MLPH: variants seen among roughly 807,000 people sequenced by gnomAD.
MLPH encodes exophilin-3.
In MLPH, 51 loss-of-function variants were observed where a neutral mutation model predicts 72.1. The observed-to-expected ratio is 0.71, with a 90% CI of 0.56 to 0.89. The LOEUF (loss-of-function observed/expected upper bound fraction) is 0.89, where lower values mean the gene tolerates loss of function less well. Ranked by LOEUF, MLPH falls within the 40% of genes least tolerant of loss-of-function variation. The pLI is 0.00. For missense variants in MLPH, 743 were observed against 759.9 expected, an observed-to-expected ratio of 0.98 and a Z score of 0.26; for synonymous variants, 301 against 310.1, an observed-to-expected ratio of 0.97 and a Z score of 0.31.
At position 237,510,923 on chromosome 2, in the gene MLPH, G is replaced by A; in HGVS notation, c.333-66G>A. 2 of 1,522,428 alleles carry A rather than the reference G, an allele frequency of 1.3e-6. No homozygotes were observed. Among genetic ancestry groups the A allele is most frequent in the Non-Finnish European group, 1.8e-6 (2 of 1,097,722 alleles). 94.3% of individuals were successfully genotyped at this position (1,522,428 alleles called of 1,614,324 possible). On this transcript the variant is annotated intron_variant, in intron 3 of 15. Transcript: ENST00000264605. The surrounding 1 kb of genome is among the most constrained non-coding windows in gnomAD (Gnocchi z 4.4). ...CTCGTGTGTGTGTGTGTGTGTGTGT[G>A]TGAGATTTATGCAGGCCTGTGTACA...
intron 2 of MLPH, among the ~76,000 whole-genome samples, chr2:237,506,128 A>T (rs1204560469): frequency 1.3e-5 from 2 of 152,244 alleles, no homozygotes; most frequent in Non-Finnish European, 2.9e-5. Flanking sequence ...TTCCTAAATT[A>T]CTGAGAACCC....
rs568674271 is a variant in MLPH at position 237,537,216 on chromosome 2, G to A, written c.1104+2569G>A. Among the ~76,000 whole-genome samples the A allele has an allele frequency of 4.7e-5, 7 of 149,272 alleles. No individual in the cohort carries two copies. The South Asian group carries it at 1.1e-3, about 22-fold the overall frequency. ...GCTGGTTCAGGTCCCTGTCACACACGTATGTTGTCATGTGTTTTCCACACA... is the reference window on the plus strand; with the variant it reads ...GCTGGTTCAGGTCCCTGTCACACACATATGTTGTCATGTGTTTTCCACACA... On this transcript the variant is annotated intron_variant, in intron 9 of 15. Transcript: ENST00000264605.
rs563718242 is a variant in MLPH, at chr2:237,523,660, G to A, written c.676-1941G>A. On this transcript the variant is annotated intron_variant, in intron 6 of 15. Transcript: ENST00000264605. ...TATAAGTATTAACGTATTTTCTCGTGTAAAGAAGGTTTAATACTGTTAATA... is the reference window on the plus strand; with the variant it reads ...TATAAGTATTAACGTATTTTCTCGTATAAAGAAGGTTTAATACTGTTAATA... Among the ~76,000 whole-genome samples, 6 of 152,104 alleles carry A rather than the reference G, an allele frequency of 3.9e-5. No homozygotes were observed. In the East Asian group the frequency reaches 1.2e-3, roughly 29 times the overall value.
intron 8 of MLPH, among the ~76,000 whole-genome samples, chr2:237,529,817 C>T (rs1231700463): frequency 2.0e-5 from 3 of 152,200 alleles, no homozygotes; most frequent in Non-Finnish European, 4.4e-5. Flanking sequence ...GGGCCAGCTC[C>T]TTGGGCATGG....
intron 4 of MLPH, among the ~76,000 whole-genome samples, chr2:237,517,377 G>A (rs1679635240): frequency 6.6e-6 from 1 of 151,884 alleles, no homozygotes; most frequent in South Asian, 2.1e-4. Flanking sequence ...ATAGGTGGAT[G>A]GATGGGCAGA....
chr2:237,498,916 C>T (rs1242971847), intron 2 of MLPH, among the ~76,000 whole-genome samples: 1 of 152,172 alleles, frequency 6.6e-6, no homozygotes, highest in Non-Finnish European at 1.5e-5. Context: ...CCAGGAGCTG[C>T]CCGATCAGCA....
intron 1 of MLPH, among the ~76,000 whole-genome samples, chr2:237,488,176 T>A (rs1045479071): frequency 6.6e-6 from 1 of 152,178 alleles, no homozygotes; most frequent in Non-Finnish European, 1.5e-5. Flanking sequence ...TTTTAGATGG[T>A]GTGACTGGTA....
rs568894897 is a variant in MLPH at position 237,530,819 on chromosome 2, C to G, written c.1020+3303C>G. Among the ~76,000 whole-genome samples the G allele has an allele frequency of 1.6e-4, 25 of 152,318 alleles. No individual in the cohort carries two copies. In the South Asian group the frequency reaches 5.0e-3, roughly 30 times the overall value. ...GATCAGGGAGTGACTGGCTTGGCCC[C>G]TGCAGTTTCTGTGTCCCGAGAGGAC... is the stretch of plus-strand genomic sequence containing the variant. On this transcript the variant is annotated intron_variant, in intron 8 of 15. Transcript: ENST00000264605.
At position 237,525,799 on chromosome 2, in the gene MLPH, G is replaced by A. The variant is rs1027953124; in HGVS notation, c.874G>A (p.Ala292Thr). The change falls in exon 7 of 16, where the codon GCA becomes ACA. Residue 292 changes from alanine to threonine, a missense_variant. Ala to Thr is a moderately conservative substitution (Grantham distance 58, BLOSUM62 0). Transcript: ENST00000264605. ...CAGGATGGCCCTGGGGACTGCTGCT[G>A]CACTCGGTAGGTGCCCTTGGCCAGG... Reference protein sequence around the residue: ...SHRMALGTAAALGSNVIRNEQ... With the variant: ...SHRMALGTAATLGSNVIRNEQ... 10 of 1,611,756 alleles carry A rather than the reference G, an allele frequency of 6.2e-6. No individual in the cohort carries two copies. Among genetic ancestry groups the A allele is most frequent in the Non-Finnish European group, 8.5e-6 (10 of 1,179,980 alleles).
intron 1 of MLPH, among the ~76,000 whole-genome samples, chr2:237,492,157 A>T (rs1479000399): frequency 2.0e-5 from 3 of 152,092 alleles, no homozygotes. Context: ...CTAAGGTTCC[A>T]CCTATCTTGG....
chr2:237,527,707 C>A, intron 8 of MLPH, 191 bp downstream of exon 8: 1 of 744,894 alleles, frequency 1.3e-6, no homozygotes, highest in Non-Finnish European at 2.2e-6. Context: ...AGAAAATTAA[C>A]CATCTTAGTA....
chr2:237,528,185 C>T (rs2080344349), intron 8 of MLPH, among the ~76,000 whole-genome samples: 2 of 151,894 alleles, frequency 1.3e-5, no homozygotes, highest in African/African-American at 4.8e-5. Flanking sequence ...TGAAAGGAGC[C>T]CTGGAGATGG....
chr2:237,518,891 A>T (rs2080111835), intron 5 of MLPH, among the ~76,000 whole-genome samples: 1 of 152,180 alleles, frequency 6.6e-6, no homozygotes, highest in Non-Finnish European at 1.5e-5. Context: ...TGATGGGCAA[A>T]GCCTACTGAG....
intron 10 of MLPH, 89 bp from the exon 11 acceptor site, chr2:237,540,713 A>C: frequency 6.4e-7 from 1 of 1,556,014 alleles, no homozygotes; most frequent in African/African-American, 1.4e-5. Flanking sequence ...GGGTTCAGAG[A>C]GGAGAGCAAT....
At position 237,554,900 on chromosome 2, in the gene MLPH, C is replaced by A. The variant is rs2081099259; in HGVS notation, c.*1308C>A. 2.6e-5 allele frequency: 4 copies of A among 152,204 alleles called. No individual in the cohort carries two copies. The South Asian group carries it at 8.3e-4, about 31-fold the overall frequency. The allele number at this position is 152,204 out of a possible 1,614,324, so 9.4% of individuals were successfully genotyped here. A position where few individuals can be genotyped will look rare whatever the true frequency, so the allele number is the denominator to read the frequency against. On this transcript the variant is annotated 3_prime_UTR_variant, in exon 16 of 16. Transcript: ENST00000264605. The stretch of plus-strand genomic sequence containing the variant: ...CACATTAGCAGCTGTTTCTCTGACT[C>A]CTTGTGGCATCAGATAAAAACGTGG...
At position 237,541,540 on chromosome 2, in the gene MLPH, C is replaced by T. The variant is rs2080685788; in HGVS notation, c.1446+583C>T. On this transcript the variant is annotated intron_variant, in intron 11 of 15. Coordinates refer to ENST00000264605, the MANE Select transcript of MLPH (RefSeq NM_024101.7). This position sits in a 1 kb window ranked among gnomAD's most constrained non-coding sequence, Gnocchi z 5.1. ...CAGCCCCCACGGCCCTCCTCCACTT[C>T]CCTTCTCATCAGCAGGTGCCTGTCA... Among the ~76,000 whole-genome samples the T allele has an allele frequency of 6.6e-6, 1 of 152,232 alleles. No homozygotes were observed. Among genetic ancestry groups the T allele is most frequent in the African/African-American group, 2.4e-5 (1 of 41,462 alleles).
intron 2 of MLPH, among the ~76,000 whole-genome samples, chr2:237,507,062 C>CTTTTTTTTTTTTTTTTTTTTTT (rs61091364): frequency 5.3e-5 from 5 of 94,546 alleles, no homozygotes; most frequent in Admixed American, 1.3e-4. Context: ...TTTTTTTTTT[C>CTTTTTTTTTTTTTTTTTTTTTT]TTTTTTTTTT....
At chr2:237,506,329 T>G (rs540734562) in intron 2 of MLPH, among the ~76,000 whole-genome samples, 24 of 152,354 alleles carry the variant, frequency 1.6e-4, no homozygotes, top group African/African-American at 4.3e-4. Flanking sequence ...GTGAGTGGTG[T>G]TGTTCTGCTT....
At chr2:237,542,263 G>C (rs147809638) in intron 11 of MLPH, among the ~76,000 whole-genome samples, 7 of 152,028 alleles carry the variant, frequency 4.6e-5, no homozygotes, top group Non-Finnish European at 8.8e-5. Context: ...TGCATGTCAC[G>C]GCCCCTCCTC....
Sources: gnomAD v4.1 joint callset for allele counts (sites outside exome capture counted in the v4.1 genomes callset) on GRCh38, gnomAD v4.1.1 for gene constraint, Gnocchi (gnomAD v3.1) non-coding constraint, MANE v1.5 for transcripts, NCBI Gene and HGNC (gene_info 2026-07-23, HGNC 2026-07-21) for gene names.